GHITM: variants seen among roughly 807,000 people sequenced by gnomAD.
GHITM encodes growth hormone inducible transmembrane protein.
A neutral mutation model predicts 38.7 loss-of-function variants in GHITM; 24 were observed. The observed-to-expected ratio is 0.62, with a 90% CI of 0.45 to 0.87. The LOEUF (loss-of-function observed/expected upper bound fraction) is 0.87. Among genes scored for constraint, GHITM ranks in the 40% least tolerant of loss-of-function variants. The pLI, the probability that GHITM is intolerant of heterozygous loss-of-function variation, is 0.00. For missense variants in GHITM, 420 were observed against 429.8 expected (o/e 0.98, Z 0.20); for synonymous variants, 154 against 147.8 (o/e 1.04, Z -0.30).
At chr10:84,142,180 G>A (rs1398497091) in intron 2 of GHITM, among the ~76,000 whole-genome samples, 3 of 152,216 alleles carry the variant, frequency 2.0e-5, no homozygotes, top group African/African-American at 7.2e-5. Context: ...TTGAAAAAGA[G>A]CCACAATGGA....
chr10:84,150,686 T>C, intron 7 of GHITM, 23 bp from the exon 8 acceptor site: 1 of 1,563,088 alleles, frequency 6.4e-7, no homozygotes, highest in Non-Finnish European at 8.7e-7. Flanking sequence ...AAAAAAAATC[T>C]TGTTTTCGCA....
intron 3 of GHITM, 106 bp from the exon 4 acceptor site, chr10:84,143,889 T>G: frequency 1.2e-6 from 1 of 830,756 alleles, no homozygotes; most frequent in Non-Finnish European, 2.1e-6. Context: ...GCACTGATTA[T>G]GGCTTCTATT....
intron 8 of GHITM, among the ~76,000 whole-genome samples, chr10:84,151,727 TTTTA>T (rs1207410970): frequency 1.3e-5 from 2 of 152,172 alleles, no homozygotes; most frequent in Non-Finnish European, 2.9e-5. Flanking sequence ...AAGTGGGTTA[TTTTA>T]TTTAAACAAT....
At position 84,144,885 on chromosome 10, in the gene GHITM, C is replaced by A; in HGVS notation, c.352C>A (p.Gln118Lys). 1 of 1,577,558 alleles carries A rather than the reference C, an allele frequency of 6.3e-7. No homozygotes were observed. The highest frequency in any genetic ancestry group is 8.6e-7 in the Non-Finnish European group (1 of 1,158,320). ...GAIEKAVIWPQYVKDRIHSTY... is the reference protein window; with the variant it reads ...GAIEKAVIWPKYVKDRIHSTY... ...TCATGTTTCTTACAGAATTTGGCCT[C>A]AGTATGTCAAGGATAGAATTCATTC... The change falls in exon 5 of 9, where the codon CAG (glutamine) becomes AAG (lysine). Residue 118 changes from glutamine (Q) to lysine (K), a missense_variant. Physicochemically the swap from Gln to Lys is moderately conservative, Grantham distance 53. Coordinates refer to ENST00000372134, the MANE Select transcript of GHITM (RefSeq NM_014394.3).
chr10:84,150,207 G>A lies in GHITM; in HGVS notation c.745G>A (p.Gly249Arg). 1 of 1,612,740 alleles carries A rather than the reference G, an allele frequency of 6.2e-7. No individual in the cohort carries two copies. The highest frequency in any genetic ancestry group is 8.5e-7 in the Non-Finnish European group (1 of 1,179,616). The change falls in exon 7 of 9, where the codon GGA becomes AGA. Residue 249 changes from glycine to arginine, a missense_variant. By Grantham distance (125) the Gly-to-Arg change is moderately radical. Transcript: ENST00000372134. The stretch of plus-strand genomic sequence containing the variant: ...GTTTCTGAACATGGGTGCACCCCTG[G>A]GAGTGGGCCTGGGTCTCGTCTTTGT... ...EKFLNMGAPL[G>R]VGLGLVFVSS...
intron 1 of GHITM, among the ~76,000 whole-genome samples, chr10:84,141,253 G>T (rs1487310687): frequency 4.6e-5 from 7 of 152,198 alleles, no homozygotes; most frequent in African/African-American, 1.4e-4. Context: ...TCCATCTTCA[G>T]CTGTGTTCTC....
chr10:84,149,526 A>T (rs1488540920), intron 6 of GHITM, among the ~76,000 whole-genome samples: 13 of 126,818 alleles, frequency 1.0e-4, no homozygotes, highest in Non-Finnish European at 1.9e-4. Flanking sequence ...CCTTTGTTGA[A>T]TTACTGGTAA....
intron 8 of GHITM, 29 bp downstream of exon 8, chr10:84,150,909 T>TA (rs1201445344): frequency 6.8e-7 from 1 of 1,464,548 alleles, no homozygotes; most frequent in African/African-American, 1.4e-5. Flanking sequence ...TTAACACTGT[T>TA]ACTCTGTCAC....
In GHITM at chr10:84,146,055, T is replaced by A. The variant is rs551860269; in HGVS notation, c.483+1039T>A. On this transcript the variant is annotated intron_variant, in intron 5 of 8. Coordinates refer to ENST00000372134, the MANE Select transcript of GHITM (RefSeq NM_014394.3). Reference sequence around the variant, plus strand: ...TAATTTTTAAAGAAATAGAAAATTTTAAAAATTAAAAAAAAATTTTTTTAA... The same window carrying A: ...TAATTTTTAAAGAAATAGAAAATTTAAAAAATTAAAAAAAAATTTTTTTAA... 2.6e-5 allele frequency among the ~76,000 whole-genome samples: 4 copies of A among 152,240 alleles called. No homozygotes were observed. In the South Asian group the frequency reaches 8.3e-4, roughly 32 times the overall value.
intron 5 of GHITM, 96 bp downstream of exon 5, chr10:84,145,112 G>A (rs1379393588): frequency 2.3e-6 from 2 of 878,974 alleles, no homozygotes; most frequent in African/African-American, 1.7e-5. Flanking sequence ...AAAGAATACT[G>A]TATTGAACAA....
At chr10:84,149,365 A>G (rs1035893634) in intron 6 of GHITM, among the ~76,000 whole-genome samples, 2 of 152,240 alleles carry the variant, frequency 1.3e-5, no homozygotes, top group African/African-American at 4.8e-5. Flanking sequence ...TAGAAATGTT[A>G]TTCTTTAAGC....
At position 84,144,590 on chromosome 10, in the gene GHITM, G is replaced by GT. The variant is rs375143632; in HGVS notation, c.342-284dup. Among the ~76,000 whole-genome samples, 626 of 152,240 alleles carry GT rather than the reference G, an allele frequency of 4.1e-3. 3 individuals are homozygous for GT. Among genetic ancestry groups the GT allele is most frequent in the African/African-American group, 0.015 (603 of 41,524 alleles). ...GCTGGTCTCGATCTCCTGACCTCAG[G>GT]TGATCCACCCACCTCAGCCTCCCAA... On this transcript the variant is annotated intron_variant, in intron 4 of 8. Coordinates refer to ENST00000372134, the MANE Select transcript of GHITM (RefSeq NM_014394.3).
Position 84,144,065 on chromosome 10 carries a change from C to T in GHITM, c.300C>T (p.Gly100=). The change falls in exon 4 of 9, where the codon GGC becomes GGT. Residue 100 remains glycine (G), a synonymous_variant. Coordinates refer to ENST00000372134, the MANE Select transcript of GHITM (RefSeq NM_014394.3). ...GTCTTGGAGCATTGTGCTACTATGG[C>T]TTGGGACTGTCTAATGAGATTGGAG... ...AVGLGALCYY[G]LGLSNEIGAI... The T allele has an allele frequency of 1.2e-6, 2 of 1,613,772 alleles. No individual in the cohort carries two copies. The highest frequency in any genetic ancestry group is 1.7e-6 in the Non-Finnish European group (2 of 1,179,698).
At chr10:84,141,390 CCTT>C (rs1319505135) in intron 1 of GHITM, 69 bp from the exon 2 acceptor site, 1 of 840,008 alleles carries the variant, frequency 1.2e-6, no homozygotes, top group Non-Finnish European at 1.9e-6. Context: ...TCTCATATGT[CCTT>C]CTCTTAATTG....
At position 84,148,847 on chromosome 10, in the gene GHITM, T is replaced by G; in HGVS notation, c.592+9T>G. 6.6e-7 allele frequency: 1 copy of G among 1,522,608 alleles called. No individual in the cohort carries two copies. Among genetic ancestry groups the G allele is most frequent in the Non-Finnish European group, 9.1e-7 (1 of 1,097,008 alleles). The allele number at this position is 1,522,608 out of a possible 1,614,324, so 94.3% of individuals were successfully genotyped here. A position where few individuals can be genotyped will look rare whatever the true frequency, so the allele number is the denominator to read the frequency against. On this transcript the variant is annotated intron_variant, in intron 6 of 8. Transcript: ENST00000372134. ...TTGGTTGCTACATTCTGGTATGTTC[T>G]GTTTTAAATTGTTACGAGACAACCT...
In GHITM at chr10:84,144,006, G is replaced by C; in HGVS notation, c.241G>C (p.Gly81Arg). The C allele has an allele frequency of 6.2e-7, 1 of 1,612,574 alleles. No homozygotes were observed. Among genetic ancestry groups the C allele is most frequent in the African/African-American group, 1.3e-5 (1 of 75,000 alleles). Residue 81 changes from glycine to arginine, a missense_variant, in exon 4 of 9, where the codon GGA (glycine) becomes CGA (arginine). By Grantham distance (125) the Gly-to-Arg change is moderately radical. Transcript: ENST00000372134. The part of the protein sequence containing the change: ...MEKIFKIDQM[G>R]RWFVAGGAAV... ...TCTGTGTTCTGCAGTTGATCAGATG[G>C]GAAGATGGTTTGTTGCTGGAGGGGC...
At chr10:84,142,629 C>A (rs541567194) in intron 2 of GHITM, 26 bp from the exon 3 acceptor site, 3 of 1,435,076 alleles carry the variant, frequency 2.1e-6, no homozygotes, top group Non-Finnish European at 2.9e-6. Flanking sequence ...GTGGGTGGTA[C>A]GTGTCTTTGT....
At chr10:84,144,548 T>G (rs1227410734) in intron 4 of GHITM, among the ~76,000 whole-genome samples, 1 of 152,114 alleles carries the variant, frequency 6.6e-6, no homozygotes, top group Non-Finnish European at 1.5e-5. Flanking sequence ...GAGACGGGGT[T>G]TCACCATTTT....
chr10:84,142,727 G>A lies in GHITM; in HGVS notation c.202G>A (p.Glu68Lys), dbSNP rs1841519533. The change falls in exon 3 of 9, where the codon GAA (glutamate) becomes AAA (lysine). Residue 68 changes from glutamate to lysine, a missense_variant. Coordinates refer to ENST00000372134, the MANE Select transcript of GHITM (RefSeq NM_014394.3). ...TGQELKEAAL[E>K]PSMEKIFKID... Reference sequence around the variant, plus strand: ...CCAAGAACTCAAAGAGGCAGCATTGGAACCATCGATGGAAAAAATATTTAA... The same window carrying A: ...CCAAGAACTCAAAGAGGCAGCATTGAAACCATCGATGGAAAAAATATTTAA... The A allele has an allele frequency of 5.0e-6, 8 of 1,606,824 alleles. No homozygotes were observed. The highest frequency in any genetic ancestry group is 6.8e-6 in the Non-Finnish European group (8 of 1,174,062).
Sources: allele counts gnomAD v4.1 joint callset (sites outside exome capture counted in the v4.1 genomes callset), GRCh38; gene constraint gnomAD v4.1.1; transcripts MANE v1.5; gene names NCBI Gene and HGNC (gene_info 2026-07-23, HGNC 2026-07-21).